The following SEC23IP variants were observed in gnomAD, a reference collection of about 807,000 sequenced individuals.
SEC23IP encodes the protein SEC23 interacting protein, also known as SEC23-interacting protein.
Under a neutral mutation model 113.4 loss-of-function variants are expected in SEC23IP, and 70 were observed. That is an observed-to-expected ratio of 0.62 (90% CI 0.51 to 0.75). The LOEUF (loss-of-function observed/expected upper bound fraction) is 0.75, where lower values mean the gene tolerates loss of function less well. Ranked by LOEUF, SEC23IP falls within the 30% of genes least tolerant of loss-of-function variation. SEC23IP has a pLI of 0.00. For synonymous variants in SEC23IP, 398 were observed against 421.0 expected (o/e 0.95, Z 0.67); for missense variants, 1,160 against 1,204.9 (o/e 0.96, Z 0.55).
rs1016545274 is a variant in SEC23IP, at chr10:119,898,552, G to A, written c.289G>A (p.Gly97Arg). 1.3e-5 allele frequency: 21 copies of A among 1,613,958 alleles called. No homozygotes were observed. The highest frequency in any genetic ancestry group is 1.8e-5 in the Non-Finnish European group (21 of 1,180,036). ...SSSSDPFGNI[G>R]QSPLTTAATS... ...CAGCAGTGATCCTTTTGGGAATATT[G>A]GACAGTCACCATTAACAACTGCAGC... The change falls in exon 2 of 19, where the codon GGA becomes AGA. Residue 97 changes from glycine to arginine, a missense_variant. Physicochemically the swap from Gly to Arg is moderately radical, Grantham distance 125. Coordinates refer to ENST00000369075, the MANE Select transcript of SEC23IP (RefSeq NM_007190.4).
At position 119,933,053 on chromosome 10, in the gene SEC23IP, T is replaced by C. The variant is rs148970184; in HGVS notation, c.2807T>C (p.Leu936Ser). 28 of 1,613,928 alleles carry C rather than the reference T, an allele frequency of 1.7e-5. No individual in the cohort carries two copies. In the African/African-American group the frequency reaches 3.6e-4, roughly 21 times the overall value. ...SPDFSKDEDY[L>S]GKVGMLNGGR... The stretch of plus-strand genomic sequence containing the variant: ...GATTTTTCCAAGGATGAGGACTACT[T>C]AGGAAAGGTTGGAATGTTAAATGGA... Residue 936 changes from leucine (L) to serine (S), a missense_variant, in exon 17 of 19, where the codon TTA becomes TCA. Transcript: ENST00000369075.
At chr10:119,935,570 C>T (rs1267547079) in intron 18 of SEC23IP, among the ~76,000 whole-genome samples, 2 of 152,198 alleles carry the variant, frequency 1.3e-5, no homozygotes, top group African/African-American at 4.8e-5. Context: ...TCCGCCCATC[C>T]GTCCATTCAT....
rs771377454 is a variant in SEC23IP at position 119,898,860 on chromosome 10, C to G, written c.597C>G (p.Pro199=). 21 of 1,611,164 alleles carry G rather than the reference C, an allele frequency of 1.3e-5. No homozygotes were observed. Among genetic ancestry groups the G allele is most frequent in the Non-Finnish European group, 1.8e-5 (21 of 1,180,004 alleles). The part of the protein sequence containing the change: ...SSRANPYIAP[P]QLQQCQTPGP... ...GGGCTAATCCTTACATTGCACCACC[C>G]CAGCTGCAGCAGTGCCAAACACCAG... Residue 199 remains proline, a synonymous_variant, in exon 2 of 19, where the codon CCC becomes CCG. Transcript: ENST00000369075.
At position 119,909,038 on chromosome 10, in the gene SEC23IP, T is replaced by G; in HGVS notation, c.1102-3T>G. The stretch of plus-strand genomic sequence containing the variant: ...GGAATATATGTTGTTTCCCCCATTA[T>G]AGGCTGAATATAAAAAAGCTGTAAC... On this transcript the variant is annotated splice_polypyrimidine_tract_variant and splice_region_variant and intron_variant, in intron 4 of 18. Coordinates refer to ENST00000369075, the MANE Select transcript of SEC23IP (RefSeq NM_007190.4). 1.9e-6 allele frequency: 3 copies of G among 1,594,086 alleles called. No individual in the cohort carries two copies. The highest frequency in any genetic ancestry group is 2.6e-6 in the Non-Finnish European group (3 of 1,168,036).
rs75675295 is a variant in SEC23IP, at chr10:119,935,706, C to G, written c.*20+1919C>G. On this transcript the variant is annotated intron_variant, in intron 18 of 18. Coordinates refer to ENST00000369075, the MANE Select transcript of SEC23IP (RefSeq NM_007190.4). Reference sequence around the variant, plus strand: ...CTTTTTTCCTCTAATGGAAGGCAGACAGCACGTGGACAGTTGAAATGAACC... The same window carrying G: ...CTTTTTTCCTCTAATGGAAGGCAGAGAGCACGTGGACAGTTGAAATGAACC... Among the ~76,000 whole-genome samples the G allele has an allele frequency of 5.6e-3, 849 of 152,296 alleles. 3 individuals carry two copies. Among genetic ancestry groups the G allele is most frequent in the African/African-American group, 0.019 (787 of 41,564 alleles).
chr10:119,929,336 C>T (rs979757143), intron 13 of SEC23IP, among the ~76,000 whole-genome samples: 16 of 152,180 alleles, frequency 1.1e-4, no homozygotes, highest in African/African-American at 3.1e-4. Context: ...CGGGTTCAAG[C>T]GATTCTTCTG....
chr10:119,907,895 T>C (rs1238819172), intron 4 of SEC23IP, among the ~76,000 whole-genome samples: 1 of 152,174 alleles, frequency 6.6e-6, no homozygotes, highest in Non-Finnish European at 1.5e-5. Context: ...GAGGTTGCGG[T>C]GAGCAGAGAT....
At chr10:119,926,564 C>T (rs1165337380) in intron 13 of SEC23IP, among the ~76,000 whole-genome samples, 1 of 152,216 alleles carries the variant, frequency 6.6e-6, no homozygotes, top group African/African-American at 2.4e-5. Context: ...TCTGTGAGAG[C>T]AACTTGGCTG....
Position 119,912,121 on chromosome 10 carries a change from T to A in SEC23IP, c.1269T>A (p.Val423=), listed in dbSNP as rs1393078140. Residue 423 remains valine, a synonymous_variant, in exon 6 of 19, where the codon GTT becomes GTA. Transcript: ENST00000369075. ...AAGATGGACAGACAAGGCCCAGGGT[T>A]GTAAAGCGTGGAATTGATGATAACC... ...TTQDGQTRPR[V]VKRGIDDNLD... 13 of 1,614,132 alleles carry A rather than the reference T, an allele frequency of 8.1e-6. No homozygotes were observed. The highest frequency in any genetic ancestry group is 1.3e-5 in the African/African-American group (1 of 75,034).
intron 12 of SEC23IP, among the ~76,000 whole-genome samples, chr10:119,921,910 A>G (rs59633270): frequency 0.055 from 8,301 of 151,948 alleles, 427 homozygotes; most frequent in South Asian, 0.27. Flanking sequence ...ATTTCTTTAT[A>G]TGGGAAATGA....
At chr10:119,923,037 C>T (rs1451834078) in intron 12 of SEC23IP, among the ~76,000 whole-genome samples, 1 of 151,246 alleles carries the variant, frequency 6.6e-6, no homozygotes, top group Non-Finnish European at 1.5e-5. Context: ...AAATGAGAAG[C>T]TTTGTGTTCA....
In SEC23IP at chr10:119,918,399, T is replaced by A; in HGVS notation, c.1760T>A (p.Leu587Ter). 6.3e-7 allele frequency: 1 copy of A among 1,585,240 alleles called. No homozygotes were observed. The highest frequency in any genetic ancestry group is 8.7e-7 in the Non-Finnish European group (1 of 1,154,544). The change falls in exon 10 of 19, where the codon TTA becomes TAA. Residue 587 changes from leucine to a stop codon, truncating the protein, a stop_gained. Transcript: ENST00000369075. LOFTEE classifies it high-confidence loss of function. ...VSVAGHSLGS[L>*]ILFDILSNQK... is the part of the protein sequence containing the mutation. ...AAATGTTTCTTTTTCATAGGTTCTT[T>A]AATATTGTTTGACATCCTGTCTAAT...
intron 14 of SEC23IP, among the ~76,000 whole-genome samples, 197 bp from the exon 15 acceptor site, chr10:119,930,132 C>A (rs996646945): frequency 1.3e-5 from 2 of 152,196 alleles, no homozygotes; most frequent in Non-Finnish European, 2.9e-5. Flanking sequence ...GGAAATAATT[C>A]TTTTGCTTTG....
intron 12 of SEC23IP, among the ~76,000 whole-genome samples, chr10:119,925,532 A>G (rs1855392188): frequency 6.6e-6 from 1 of 152,098 alleles, no homozygotes; most frequent in Admixed American, 6.6e-5. Context: ...AGGACATGTA[A>G]ACATTTTTTT....
At chr10:119,917,558 T>C (rs142579292) in intron 8 of SEC23IP, among the ~76,000 whole-genome samples, 197 of 152,224 alleles carry the variant, frequency 1.3e-3, no homozygotes, top group African/African-American at 4.4e-3. Context: ...TGTGTATTTT[T>C]AGTAAAGACG....
chr10:119,936,211 C>T (rs1855775096), intron 18 of SEC23IP, among the ~76,000 whole-genome samples: 1 of 152,068 alleles, frequency 6.6e-6, no homozygotes, highest in Non-Finnish European at 1.5e-5. Context: ...TCTCTGTTTG[C>T]TTTGGATACA....
In SEC23IP at chr10:119,929,665, C is replaced by T; in HGVS notation, c.2372C>T (p.Ser791Phe). Reference protein sequence around the residue: ...FEPEIFFALGSPIAMFLTIRG... With the variant: ...FEPEIFFALGFPIAMFLTIRG... ...CCAGAGATATTCTTTGCCTTGGGGT[C>T]TCCAATTGCTATGTTTCTCACTATT... Residue 791 changes from serine to phenylalanine, a missense_variant, in exon 14 of 19, where the codon TCT (serine) becomes TTT (phenylalanine). Ser to Phe is a radical substitution (Grantham distance 155). Coordinates refer to ENST00000369075, the MANE Select transcript of SEC23IP (RefSeq NM_007190.4). 6.2e-7 allele frequency: 1 copy of T among 1,607,110 alleles called. No individual in the cohort carries two copies. Among genetic ancestry groups the T allele is most frequent in the Non-Finnish European group, 8.5e-7 (1 of 1,173,624 alleles).
chr10:119,914,389 C>G (rs191113653), intron 6 of SEC23IP: 5 of 248,944 alleles, frequency 2.0e-5, no homozygotes, highest in Middle Eastern at 1.4e-3. Flanking sequence ...ACGATGAAAT[C>G]TGAGTAATCT....
chr10:119,919,508 T>C lies in SEC23IP; in HGVS notation c.1937T>C (p.Val646Ala), dbSNP rs752220556. Residue 646 changes from valine to alanine, a missense_variant, in exon 11 of 19, where the codon GTC (valine) becomes GCC (alanine). Val to Ala is a moderately conservative substitution (Grantham distance 64). Coordinates refer to ENST00000369075, the MANE Select transcript of SEC23IP (RefSeq NM_007190.4). ...GACCTTGTTGTTGAAAATAAAGAAG[T>C]CCTAACTTTGCAAGAAACTCTGGAA... Reference protein sequence around the residue: ...SYDLVVENKEVLTLQETLEAL... With the variant: ...SYDLVVENKEALTLQETLEAL... 3 of 1,613,536 alleles carry C rather than the reference T, an allele frequency of 1.9e-6. No homozygotes were observed. The South Asian group carries it at 3.3e-5, about 18-fold the overall frequency.
Sources: allele counts gnomAD v4.1 joint callset (sites outside exome capture counted in the v4.1 genomes callset), GRCh38; gene constraint gnomAD v4.1.1; transcripts MANE v1.5; gene names NCBI Gene and HGNC (gene_info 2026-07-23, HGNC 2026-07-21).